ABCB1: variants seen among roughly 807,000 people sequenced by gnomAD.
ABCB1 encodes the protein ATP binding cassette subfamily B member 1.
A neutral mutation model predicts 142.0 loss-of-function variants in ABCB1; 69 were observed. The observed-to-expected ratio is 0.49, with a 90% confidence interval of 0.40 to 0.59. The LOEUF is 0.59. Among genes scored for constraint, ABCB1 ranks in the 20% least tolerant of loss-of-function variants. The pLI, the probability that ABCB1 is intolerant of heterozygous loss-of-function variation, is 0.00. For synonymous variants in ABCB1, 532 were observed against 539.2 expected (o/e 0.99, Z 0.18); for missense variants, 1,326 against 1,554.7 (o/e 0.85, Z 2.47).
intron 1 of ABCB1, among the ~76,000 whole-genome samples, chr7:87,615,538 T>C (rs746652833): frequency 6.6e-6 from 1 of 152,166 alleles, no homozygotes; most frequent in Non-Finnish European, 1.5e-5. Context: ...GAAATCAGAC[T>C]GTAGGGAGCC....
rs1044828125 is a variant in ABCB1 at position 87,631,605 on chromosome 7, G to T, written c.-330-30527C>A. ...AGACGGGGTTTCACCGTATTAGCCA[G>T]GATGGTCTCGATCTGCTGACCTCGT... is the stretch of plus-strand genomic sequence containing the variant. On this transcript the variant is annotated intron_variant, in intron 1 of 28. Coordinates refer to the ABCB1 transcript ENST00000265724. 4.6e-4 allele frequency among the ~76,000 whole-genome samples: 70 copies of T among 152,204 alleles called. 1 individual carries two copies. The highest frequency in any genetic ancestry group is 4.1e-4 in the South Asian group (2 of 4,830).
intron 1 of ABCB1, among the ~76,000 whole-genome samples, chr7:87,652,627 T>C (rs1039460319): frequency 6.8e-6 from 1 of 147,910 alleles, no homozygotes; most frequent in Admixed American, 6.8e-5. Context: ...CACTGATATA[T>C]ATATATATAT....
chr7:87,672,513 G>A (rs2130529719), intron 1 of ABCB1, among the ~76,000 whole-genome samples: 1 of 152,294 alleles, frequency 6.6e-6, no homozygotes, highest in East Asian at 1.9e-4. Context: ...TGGCTGCTTA[G>A]CCCTCTAGAT....
At chr7:87,537,622 T>G (rs1002249152) in intron 19 of ABCB1, among the ~76,000 whole-genome samples, 1 of 152,150 alleles carries the variant, frequency 6.6e-6, no homozygotes, top group African/African-American at 2.4e-5. Flanking sequence ...TTGGAAATGT[T>G]AAACAGTGAA....
At chr7:87,547,805 T>C (rs60412009) in intron 14 of ABCB1, among the ~76,000 whole-genome samples, 18,592 of 141,086 alleles carry the variant, frequency 0.13, 1,254 homozygotes, top group African/African-American at 0.17. Flanking sequence ...GAGCCAAGAT[T>C]GTCCCACTGC....
chr7:87,626,153 CATATATATGTGTCATATATATTG>C (rs1820468305), intron 1 of ABCB1, among the ~76,000 whole-genome samples: 2 of 131,472 alleles, frequency 1.5e-5, no homozygotes, highest in African/African-American at 5.6e-5. Context: ...TATATATTGT[CATATATATGTGTCATATATATTG>C]TCATATATAT....
At chr7:87,688,488 ATTTC>A (rs1370636912) in intron 1 of ABCB1, among the ~76,000 whole-genome samples, 3 of 151,404 alleles carry the variant, frequency 2.0e-5, no homozygotes, top group Admixed American at 6.6e-5. Flanking sequence ...ACTTTTGCCT[ATTTC>A]TTCTGTGGAG....
chr7:87,672,136 C>T (rs1825881044), intron 1 of ABCB1, among the ~76,000 whole-genome samples: 1 of 152,224 alleles, frequency 6.6e-6, no homozygotes, highest in South Asian at 2.1e-4. Context: ...CTGGGAGCAT[C>T]ATCCCAGGGA....
At chr7:87,538,259 T>C (rs1816381670) in intron 19 of ABCB1, among the ~76,000 whole-genome samples, 1 of 152,220 alleles carries the variant, frequency 6.6e-6, no homozygotes, top group Non-Finnish European at 1.5e-5. Flanking sequence ...TAGACCTAAG[T>C]GGAATCTGAC....
intron 22 of ABCB1, among the ~76,000 whole-genome samples, chr7:87,519,903 T>C (rs1815419284): frequency 6.6e-6 from 1 of 151,932 alleles, no homozygotes; most frequent in African/African-American, 2.4e-5. Flanking sequence ...AGGCATGTTC[T>C]TGACTTAGGA....
chr7:87,595,004 G>C (rs2129977040), intron 3 of ABCB1, among the ~76,000 whole-genome samples: 1 of 152,092 alleles, frequency 6.6e-6, no homozygotes, highest in South Asian at 2.1e-4. Flanking sequence ...ACCTAAATTT[G>C]TACTCTTAGA....
chr7:87,514,324 C>T (rs1174608830), intron 25 of ABCB1, among the ~76,000 whole-genome samples: 1 of 152,156 alleles, frequency 6.6e-6, no homozygotes, highest in Admixed American at 6.5e-5. Flanking sequence ...TACATGCCTA[C>T]ATAATGAAAA....
chr7:87,536,016 T>C, intron 20 of ABCB1, among the ~76,000 whole-genome samples: 1 of 152,230 alleles, frequency 6.6e-6, no homozygotes, highest in Admixed American at 6.5e-5. Context: ...AGTTATTCTA[T>C]TCTTGCCTTA....
intron 15 of ABCB1, 79 bp downstream of exon 15, chr7:87,545,784 T>A: frequency 6.8e-7 from 1 of 1,460,572 alleles, no homozygotes; most frequent in Non-Finnish European, 9.4e-7. Context: ...TCAAATCAAA[T>A]AATATTTATT....
At chr7:87,594,944 T>C (rs1172973675) in intron 3 of ABCB1, among the ~76,000 whole-genome samples, 1 of 152,176 alleles carries the variant, frequency 6.6e-6, no homozygotes, top group Admixed American at 6.5e-5. Flanking sequence ...ACTTAATTGG[T>C]TTAGTAGTCT....
chr7:87,587,582 C>T (rs1394739569), intron 3 of ABCB1, among the ~76,000 whole-genome samples: 1 of 152,002 alleles, frequency 6.6e-6, no homozygotes, highest in Non-Finnish European at 1.5e-5. Context: ...TGAAAGTTTA[C>T]CAAGTGTAGC....
intron 1 of ABCB1, chr7:87,694,078 G>T: frequency 6.6e-7 from 1 of 1,512,706 alleles, no homozygotes; most frequent in South Asian, 1.3e-5. Context: ...GTTTTGTAAA[G>T]CCTTCTTTTT....
At chr7:87,536,676 A>G in intron 19 of ABCB1, 135 bp from the exon 20 acceptor site, 1 of 748,100 alleles carries the variant, frequency 1.3e-6, no homozygotes, top group Non-Finnish European at 2.4e-6. Flanking sequence ...CATTCAATAC[A>G]CAAGAAAGAA....
chr7:87,546,575 TA>T (rs1168982800), intron 14 of ABCB1, among the ~76,000 whole-genome samples: 2 of 142,452 alleles, frequency 1.4e-5, no homozygotes, highest in African/African-American at 2.6e-5. Context: ...AAATAAAAAA[TA>T]AAAAAATAAT....
Sources: allele counts gnomAD v4.1 joint callset (sites outside exome capture counted in the v4.1 genomes callset), GRCh38; gene constraint gnomAD v4.1.1; transcripts MANE v1.5; gene names NCBI Gene and HGNC (gene_info 2026-07-23, HGNC 2026-07-21).